The following SH3RF1 variants were observed in gnomAD, a reference collection of about 807,000 sequenced individuals.
SH3RF1 encodes SH3 domain containing ring finger 1, also known as E3 ubiquitin-protein ligase SH3RF1.
Under a neutral mutation model 74.0 loss-of-function variants are expected in SH3RF1, and 32 were observed. The observed-to-expected ratio is 0.43, with a 90% confidence interval of 0.33 to 0.58. SH3RF1 has a LOEUF of 0.58. Ranked by LOEUF, SH3RF1 falls within the 20% of genes least tolerant of loss-of-function variation. The pLI is 0.05. For synonymous variants in SH3RF1, 396 were observed against 439.6 expected (o/e 0.90, Z 1.24); for missense variants, 954 against 1,130.9 (o/e 0.84, Z 2.24).
chr4:169,237,427 G>A (rs773938852), intron 2 of SH3RF1, among the ~76,000 whole-genome samples: 1 of 152,166 alleles, frequency 6.6e-6, no homozygotes, highest in African/African-American at 2.4e-5. Flanking sequence ...GATGGCTTGA[G>A]GCCAGGAGTT....
At chr4:169,141,141 C>T (rs1579102868) in intron 4 of SH3RF1, among the ~76,000 whole-genome samples, 1 of 152,124 alleles carries the variant, frequency 6.6e-6, no homozygotes, top group African/African-American at 2.4e-5. Flanking sequence ...AAGGCCTCAG[C>T]CAGTTCCCCA....
At chr4:169,241,027 A>G (rs1730899801) in intron 2 of SH3RF1, among the ~76,000 whole-genome samples, 2 of 152,256 alleles carry the variant, frequency 1.3e-5, no homozygotes, top group Non-Finnish European at 2.9e-5. Context: ...TCAGGAGATC[A>G]AGACCATCGT....
At position 169,235,804 on chromosome 4, in the gene SH3RF1, C is replaced by A. The variant is rs544770739; in HGVS notation, c.393+33016G>T. 3.9e-5 allele frequency among the ~76,000 whole-genome samples: 6 copies of A among 152,150 alleles called. No homozygotes were observed. In the East Asian group the frequency reaches 5.8e-4, roughly 15 times the overall value. On this transcript the variant is annotated intron_variant, in intron 2 of 11. Transcript: ENST00000284637. The stretch of plus-strand genomic sequence containing the variant: ...CCTCCCCAGTTCAAGCCTCAGCCTC[C>A]TGAGTAGCTGGGATTACAGGTGTGC...
chr4:169,209,044 CT>C (rs1212859666), intron 2 of SH3RF1, among the ~76,000 whole-genome samples: 2 of 152,130 alleles, frequency 1.3e-5, no homozygotes, highest in Non-Finnish European at 2.9e-5. Context: ...AATCCCAGCA[CT>C]TTGGGAGGCT....
At chr4:169,117,147 G>C (rs1476454997) in intron 9 of SH3RF1, among the ~76,000 whole-genome samples, 1 of 152,132 alleles carries the variant, frequency 6.6e-6, no homozygotes, top group Non-Finnish European at 1.5e-5. Context: ...AGGGTCCAAG[G>C]TAGACTTGTG....
chr4:169,128,848 C>G (rs1346348982), intron 6 of SH3RF1, among the ~76,000 whole-genome samples: 2 of 152,142 alleles, frequency 1.3e-5, no homozygotes, highest in African/African-American at 2.4e-5. Context: ...CTGGTACAGA[C>G]AGCAAAGAAA....
Position 169,165,233 on chromosome 4 carries a change from C to T in SH3RF1, c.394-8554G>A, listed in dbSNP as rs1010400636. 3.9e-5 allele frequency among the ~76,000 whole-genome samples: 6 copies of T among 152,302 alleles called. No homozygotes were observed. The South Asian group carries it at 8.3e-4, about 21-fold the overall frequency. ...CCACTGCCCTGCCCTAGGCCTCCAA[C>T]CTGACCCTGGGGTGTAGAGCTAAAT... is the stretch of plus-strand genomic sequence containing the variant. On this transcript the variant is annotated intron_variant, in intron 2 of 11. Transcript: ENST00000284637.
At chr4:169,122,004 T>C in intron 7 of SH3RF1, 96 bp downstream of exon 7, 1 of 1,500,714 alleles carries the variant, frequency 6.7e-7, no homozygotes, top group Non-Finnish European at 9.1e-7. Context: ...CATAACGCTG[T>C]CATCAGCTCA....
At chr4:169,102,375 T>C (rs1022230020) in intron 11 of SH3RF1, among the ~76,000 whole-genome samples, 1 of 152,054 alleles carries the variant, frequency 6.6e-6, no homozygotes, top group Non-Finnish European at 1.5e-5. Context: ...GCTTAATCCC[T>C]GATCAAAGAT....
At chr4:169,258,611 T>G (rs938443885) in intron 2 of SH3RF1, among the ~76,000 whole-genome samples, 1 of 152,146 alleles carries the variant, frequency 6.6e-6, no homozygotes, top group African/African-American at 2.4e-5. Context: ...TAATCATCAC[T>G]GTGCATAAAA....
At chr4:169,187,553 TGTGTGTGTGTGTG>T (rs1176926920) in intron 2 of SH3RF1, among the ~76,000 whole-genome samples, 5 of 140,504 alleles carry the variant, frequency 3.6e-5, no homozygotes, top group African/African-American at 1.4e-4. Context: ...TGTGTGTGTG[TGTGTGTGTGTGTG>T]TAGTTGACAA....
At chr4:169,159,259 C>G (rs1207384807) in intron 2 of SH3RF1, among the ~76,000 whole-genome samples, 2 of 152,174 alleles carry the variant, frequency 1.3e-5, no homozygotes, top group East Asian at 3.9e-4. Context: ...TCTACCCTCA[C>G]AGATGCCTCA....
intron 2 of SH3RF1, among the ~76,000 whole-genome samples, chr4:169,216,609 G>A (rs953610596): frequency 1.3e-5 from 2 of 152,110 alleles, no homozygotes; most frequent in Non-Finnish European, 2.9e-5. Flanking sequence ...GGGAAGCTGA[G>A]GTGGAAAAAT....
chr4:169,218,485 T>A (rs1322586906), intron 2 of SH3RF1, among the ~76,000 whole-genome samples: 2 of 145,398 alleles, frequency 1.4e-5, no homozygotes, highest in African/African-American at 5.0e-5. Flanking sequence ...TATTATATAT[T>A]TTATATATAG....
Position 169,156,750 on chromosome 4 carries a change from G to A in SH3RF1, c.394-71C>T, listed in dbSNP as rs749766172. 3.3e-5 allele frequency: 46 copies of A among 1,413,584 alleles called. 1 individual carries two copies. The East Asian group carries it at 4.1e-4, about 13-fold the overall frequency. 87.6% of individuals were successfully genotyped at this position (1,413,584 alleles called of 1,614,324 possible). A position where few individuals can be genotyped will look rare whatever the true frequency, so the allele number is the denominator to read the frequency against. ...AAAATGTCTCTGAAAATACAACTGC[G>A]TTGTCATTGTTTTAAAGTCAAAGTC... On this transcript the variant is annotated intron_variant, in intron 2 of 11. Transcript: ENST00000284637.
chr4:169,257,270 CTT>C (rs1731206042), intron 2 of SH3RF1, among the ~76,000 whole-genome samples: 1 of 152,170 alleles, frequency 6.6e-6, no homozygotes, highest in Non-Finnish European at 1.5e-5. Flanking sequence ...CCCCTGAACA[CTT>C]TTGAAAAGTT....
intron 2 of SH3RF1, among the ~76,000 whole-genome samples, chr4:169,268,415 C>A (rs1247159862): frequency 6.6e-6 from 1 of 152,070 alleles, no homozygotes; most frequent in South Asian, 2.1e-4. Flanking sequence ...TATGATTTAC[C>A]CACACACATA....
At chr4:169,197,831 A>G (rs1734842512) in intron 2 of SH3RF1, among the ~76,000 whole-genome samples, 1 of 152,116 alleles carries the variant, frequency 6.6e-6, no homozygotes, top group African/African-American at 2.4e-5. Context: ...TTAGAATAAT[A>G]TTATATTATA....
intron 2 of SH3RF1, among the ~76,000 whole-genome samples, chr4:169,207,418 C>T (rs1294277205): frequency 6.6e-6 from 1 of 152,106 alleles, no homozygotes; most frequent in African/African-American, 2.4e-5. Flanking sequence ...CTGAGTGAGA[C>T]CCTGTCTCAA....
Sources: gnomAD v4.1 joint callset for allele counts (sites outside exome capture counted in the v4.1 genomes callset) on GRCh38, gnomAD v4.1.1 for gene constraint, MANE v1.5 for transcripts, NCBI Gene and HGNC (gene_info 2026-07-23, HGNC 2026-07-21) for gene names.